Variants in PRKAG2 observed in about 807,000 individuals in gnomAD.
The protein encoded by PRKAG2 is 5'-AMP-activated protein kinase subunit gamma-2.
A neutral mutation model predicts 69.6 loss-of-function variants in PRKAG2; 26 were observed. That is an observed-to-expected ratio of 0.37 (90% CI 0.27 to 0.52). The LOEUF (loss-of-function observed/expected upper bound fraction) is 0.52, where lower values mean the gene tolerates loss of function less well. Among genes scored for constraint, PRKAG2 ranks in the 20% least tolerant of loss-of-function variants. The pLI, the probability that PRKAG2 is intolerant of heterozygous loss-of-function variation, is 0.90. For synonymous variants in PRKAG2, 293 were observed against 285.0 expected, an observed-to-expected ratio of 1.03 and a Z score of -0.28; for missense variants, 557 against 740.0, an observed-to-expected ratio of 0.75 and a Z score of 2.87.
intron 4 of PRKAG2, among the ~76,000 whole-genome samples, chr7:151,657,890 G>A (rs969930201): frequency 2.0e-5 from 3 of 152,230 alleles, no homozygotes; most frequent in African/African-American, 7.2e-5. Context: ...AGGTGCAGTG[G>A]CTCATGCCTG....
intron 1 of PRKAG2, among the ~76,000 whole-genome samples, chr7:151,852,264 G>A (rs1237979820): frequency 6.6e-6 from 1 of 152,204 alleles, no homozygotes; most frequent in East Asian, 1.9e-4. Flanking sequence ...ACTTTGGGAG[G>A]TGGGCAGATC....
At chr7:151,650,623 C>T (rs1174329672) in intron 4 of PRKAG2, among the ~76,000 whole-genome samples, 2 of 152,130 alleles carry the variant, frequency 1.3e-5, no homozygotes, top group African/African-American at 4.8e-5. Context: ...ACTTTTTGTG[C>T]CAACACTAAG....
intron 4 of PRKAG2, among the ~76,000 whole-genome samples, chr7:151,642,659 T>G (rs1284663083): frequency 1.3e-5 from 2 of 152,258 alleles, no homozygotes; most frequent in African/African-American, 2.4e-5. Flanking sequence ...CTCCCTAACA[T>G]TCATGATTTC....
intron 1 of PRKAG2, among the ~76,000 whole-genome samples, chr7:151,795,876 T>TATATATATATATACAC (rs2077499482): frequency 8.9e-6 from 1 of 112,840 alleles, no homozygotes; most frequent in East Asian, 3.3e-4. Flanking sequence ...TATATATATA[T>TATATATATATATACAC]ATATATATAT....
intron 1 of PRKAG2, among the ~76,000 whole-genome samples, chr7:151,804,792 C>T (rs1323715152): frequency 6.6e-6 from 1 of 152,184 alleles, no homozygotes; most frequent in Non-Finnish European, 1.5e-5. Context: ...AACTGCTTCT[C>T]AAACTGCACG....
chr7:151,678,095 G>A (rs1833244243), intron 3 of PRKAG2, among the ~76,000 whole-genome samples: 1 of 152,232 alleles, frequency 6.6e-6, no homozygotes, highest in Admixed American at 6.5e-5. Context: ...AGAACCACCC[G>A]TGTCCCTCCT....
intron 3 of PRKAG2, among the ~76,000 whole-genome samples, chr7:151,679,746 G>A (rs1833548449): frequency 1.3e-5 from 2 of 152,150 alleles, no homozygotes; most frequent in Admixed American, 1.3e-4. Context: ...AAGTAGCTAT[G>A]TCCATCCCTG....
Position 151,855,028 on chromosome 7 carries a change from CAT to C in PRKAG2, c.114+21477_114+21478del, listed in dbSNP as rs1157010416. On this transcript the variant is annotated intron_variant, in intron 1 of 15. Transcript: ENST00000287878. ...CACACACACCACCCTCCACACACAC[CAT>C]GCTCCACACACACCGCCCTCCACAC... 5.3e-4 allele frequency among the ~76,000 whole-genome samples: 43 copies of C among 81,600 alleles called. 6 individuals are homozygous for C. Among genetic ancestry groups the C allele is most frequent in the South Asian group, 2.3e-3 (5 of 2,198 alleles). The allele number at this position is 81,600 out of a possible 152,430, so 53.5% of individuals were successfully genotyped here.
intron 4 of PRKAG2, among the ~76,000 whole-genome samples, chr7:151,655,610 T>C (rs1453894679): frequency 1.3e-5 from 2 of 152,032 alleles, no homozygotes; most frequent in African/African-American, 4.8e-5. Context: ...AAAAAGAAAA[T>C]GAGAGGTCCC....
chr7:151,831,699 G>GCCT (rs2079029010), intron 1 of PRKAG2, among the ~76,000 whole-genome samples: 1 of 152,126 alleles, frequency 6.6e-6, no homozygotes, highest in African/African-American at 2.4e-5. Context: ...TGCACGCCCT[G>GCCT]CCTCCTCCTC....
chr7:151,721,274 G>A (rs1233375527), intron 3 of PRKAG2, among the ~76,000 whole-genome samples: 3 of 152,120 alleles, frequency 2.0e-5, no homozygotes, highest in Admixed American at 6.5e-5. Flanking sequence ...TCTGCATCTC[G>A]AAAATGCCCC....
chr7:151,863,887 G>C (rs1055541445), intron 1 of PRKAG2, among the ~76,000 whole-genome samples: 3 of 133,040 alleles, frequency 2.3e-5, no homozygotes, highest in Non-Finnish European at 3.2e-5. Flanking sequence ...CTGGACTACA[G>C]AGCAAAACCC....
chr7:151,615,339 C>T (rs1819856889), intron 5 of PRKAG2, among the ~76,000 whole-genome samples: 2 of 152,222 alleles, frequency 1.3e-5, no homozygotes, highest in South Asian at 2.1e-4. Context: ...AATGGACATA[C>T]ACATGCATGT....
chr7:151,662,293 A>G (rs1416833647), intron 4 of PRKAG2, among the ~76,000 whole-genome samples: 1 of 152,194 alleles, frequency 6.6e-6, no homozygotes. Context: ...TCCCAAAGGA[A>G]TGAAAGAAAA....
At chr7:151,729,993 T>C (rs996388318) in intron 3 of PRKAG2, among the ~76,000 whole-genome samples, 1 of 152,098 alleles carries the variant, frequency 6.6e-6, no homozygotes, top group African/African-American at 2.4e-5. Context: ...TCGTAGAAAG[T>C]AGAATGGTGT....
chr7:151,559,421 C>T (rs1434463354), intron 15 of PRKAG2: 2 of 985,278 alleles, frequency 2.0e-6, no homozygotes, highest in Non-Finnish European at 1.2e-6. Context: ...AGTGACTGCA[C>T]CAGGCCCCAT....
intron 3 of PRKAG2, among the ~76,000 whole-genome samples, chr7:151,767,625 C>A (rs2075805967): frequency 6.6e-6 from 1 of 152,198 alleles, no homozygotes; most frequent in Non-Finnish European, 1.5e-5. Flanking sequence ...GTTTGTGGTG[C>A]TGTTATAGTG....
At chr7:151,558,074 C>G (rs5017429) in intron 15 of PRKAG2, 2 of 983,592 alleles carry the variant, frequency 2.0e-6, no homozygotes, top group Admixed American at 6.2e-5. Flanking sequence ...TCTATTAGAG[C>G]GTGTGGCTGA....
At chr7:151,675,346 C>T (rs1832743660) in intron 4 of PRKAG2, 74 bp downstream of exon 4, 2 of 1,430,392 alleles carry the variant, frequency 1.4e-6, no homozygotes, top group African/African-American at 1.4e-5. Flanking sequence ...ATAGACTGCT[C>T]AGCTTGGGGC....
Sources: allele counts gnomAD v4.1 joint callset (sites outside exome capture counted in the v4.1 genomes callset), GRCh38; gene constraint gnomAD v4.1.1; transcripts MANE v1.5; gene names NCBI Gene and HGNC (gene_info 2026-07-23, HGNC 2026-07-21).